HLCS: variants seen among roughly 807,000 people sequenced by gnomAD.
HLCS encodes the protein holocarboxylase synthetase, also known as biotin--protein ligase.
In HLCS, 53 loss-of-function variants were observed where a neutral mutation model predicts 75.0. The ratio of observed to expected loss-of-function variants is 0.71; its 90% CI spans 0.57 to 0.89. HLCS has a LOEUF of 0.89. Among genes scored for constraint, HLCS ranks in the 40% least tolerant of loss-of-function variants. The probability of loss-of-function intolerance (pLI) is 0.00; values close to 1 mark genes in which losing one functional copy is unlikely to be tolerated. For synonymous variants in HLCS, 431 were observed against 428.6 expected (o/e 1.01, Z -0.07); for missense variants, 966 against 1,074.0 (o/e 0.90, Z 1.41).
At chr21:36,901,476 G>A (rs2065235024) in intron 5 of HLCS, among the ~76,000 whole-genome samples, 1 of 152,184 alleles carries the variant, frequency 6.6e-6, no homozygotes, top group African/African-American at 2.4e-5. Flanking sequence ...CTACAAACCG[G>A]GTGGCTTGAG....
intron 6 of HLCS, among the ~76,000 whole-genome samples, chr21:36,852,618 T>C (rs912177940): frequency 2.0e-5 from 3 of 152,114 alleles, no homozygotes; most frequent in Non-Finnish European, 2.9e-5. Context: ...CATTCACACT[T>C]CATGGCCAGC....
chr21:36,756,235 G>T (rs570222602), intron 10 of HLCS, among the ~76,000 whole-genome samples: 1 of 150,844 alleles, frequency 6.6e-6, no homozygotes, highest in East Asian at 1.9e-4. Context: ...TCAGGAGATC[G>T]AGACCATCCT....
chr21:36,761,179 G>A (rs867991512), intron 8 of HLCS, among the ~76,000 whole-genome samples: 4 of 152,184 alleles, frequency 2.6e-5, no homozygotes, highest in Admixed American at 1.3e-4. Context: ...AGGGAGAAAC[G>A]GAAGCTTAGA....
chr21:36,900,116 A>T (rs1242356386), intron 5 of HLCS, among the ~76,000 whole-genome samples: 1 of 152,136 alleles, frequency 6.6e-6, no homozygotes, highest in African/African-American at 2.4e-5. Context: ...AAAAAAAACA[A>T]AAAACAAAAA....
chr21:36,963,779 A>G (rs2068431392), intron 1 of HLCS, among the ~76,000 whole-genome samples: 1 of 152,210 alleles, frequency 6.6e-6, no homozygotes, highest in African/African-American at 2.4e-5. Flanking sequence ...CACTTTATCC[A>G]AGCATAGAAT....
At position 36,890,949 on chromosome 21, in the gene HLCS, A is replaced by T. The variant is rs116058490; in HGVS notation, c.1892+5911T>A. ...CTGAAAAACTGAAAGTACATGCCTGAGGCAGAATTCTAATTGTCTTCCAAT... is the reference window on the plus strand; with the variant it reads ...CTGAAAAACTGAAAGTACATGCCTGTGGCAGAATTCTAATTGTCTTCCAAT... On this transcript the variant is annotated intron_variant, in intron 6 of 10. Coordinates refer to ENST00000674895, the MANE Select transcript of HLCS (RefSeq NM_001352514.2). Among the ~76,000 whole-genome samples, 1,347 of 152,320 alleles carry T rather than the reference A, an allele frequency of 8.8e-3. 21 individuals are homozygous for T. Among genetic ancestry groups the T allele is most frequent in the African/African-American group, 0.03 (1,264 of 41,572 alleles).
At chr21:36,867,656 C>T (rs528312242) in intron 6 of HLCS, among the ~76,000 whole-genome samples, 4 of 152,310 alleles carry the variant, frequency 2.6e-5, no homozygotes, top group East Asian at 1.9e-4. Context: ...ATGTTAAAGA[C>T]GGCAGAGCCC....
intron 5 of HLCS, among the ~76,000 whole-genome samples, chr21:36,924,994 A>G (rs1411754104): frequency 6.6e-6 from 1 of 152,130 alleles, no homozygotes; most frequent in East Asian, 1.9e-4. Context: ...AAGTAACATA[A>G]AGGACTTCCC....
chr21:36,818,164 G>A (rs1193983846), intron 6 of HLCS, among the ~76,000 whole-genome samples: 1 of 152,140 alleles, frequency 6.6e-6, no homozygotes, highest in African/African-American at 2.4e-5. Context: ...TGTCAATAAA[G>A]GGAAAAAAGT....
chr21:36,986,198 C>G (rs1252214818), intron 1 of HLCS, among the ~76,000 whole-genome samples: 1 of 152,162 alleles, frequency 6.6e-6, no homozygotes, highest in African/African-American at 2.4e-5. Context: ...TGCCCTTCTG[C>G]TTTCCACCAT....
chr21:36,776,575 C>T (rs1008844735), intron 6 of HLCS, among the ~76,000 whole-genome samples: 1 of 152,068 alleles, frequency 6.6e-6, no homozygotes, highest in Non-Finnish European at 1.5e-5. Context: ...CCACCATGCC[C>T]GGCTAATTTT....
intron 6 of HLCS, among the ~76,000 whole-genome samples, chr21:36,792,306 G>C (rs915684771): frequency 6.6e-6 from 1 of 152,114 alleles, no homozygotes; most frequent in African/African-American, 2.4e-5. Context: ...TGTGTGACCA[G>C]GGACGGCTGC....
At position 36,751,604 on chromosome 21, in the gene HLCS, G is replaced by C. The variant is rs998141307; in HGVS notation, c.*2642C>G. ...CTCTCACATCAGGCAACGTCAGCCT[G>C]CTGCAGTGAAACTCAACCACGATTT... On this transcript the variant is annotated 3_prime_UTR_variant, in exon 11 of 11. Coordinates refer to ENST00000674895, the MANE Select transcript of HLCS (RefSeq NM_001352514.2). 6.6e-6 allele frequency: 1 copy of C among 152,396 alleles called. No individual in the cohort carries two copies. Among genetic ancestry groups the C allele is most frequent in the African/African-American group, 2.4e-5 (1 of 41,458 alleles). 9.4% of individuals were successfully genotyped at this position (152,396 alleles called of 1,614,324 possible).
At chr21:36,900,105 G>GA (rs965314064) in intron 5 of HLCS, among the ~76,000 whole-genome samples, 9 of 149,576 alleles carry the variant, frequency 6.0e-5, no homozygotes, top group African/African-American at 1.2e-4. Flanking sequence ...ACTCAGTCTC[G>GA]AAAAAAAACA....
chr21:36,756,262 C>G (rs976589227), intron 10 of HLCS, among the ~76,000 whole-genome samples: 4 of 151,670 alleles, frequency 2.6e-5, no homozygotes, highest in Non-Finnish European at 5.9e-5. Context: ...CACGGTGAAA[C>G]CCCACCTCCA....
rs538090077 is a variant in HLCS, at chr21:36,960,178, C to T, written c.330+1858G>A. 8.5e-4 allele frequency among the ~76,000 whole-genome samples: 120 copies of T among 140,722 alleles called. 1 individual carries two copies. The highest frequency in any genetic ancestry group is 1.5e-3 in the Non-Finnish European group (100 of 65,740). The allele number at this position is 140,722 out of a possible 152,430, so 92.3% of individuals were successfully genotyped here. A position where few individuals can be genotyped will look rare whatever the true frequency, so the allele number is the denominator to read the frequency against. Reference sequence around the variant, plus strand: ...CACTTCTCACCCACACACCCCTTGCCGCTCTGCACCCAGCTTGCCCCTGGT... The same window carrying T: ...CACTTCTCACCCACACACCCCTTGCTGCTCTGCACCCAGCTTGCCCCTGGT... On this transcript the variant is annotated intron_variant, in intron 2 of 10. Transcript: ENST00000674895.
chr21:36,975,933 T>A (rs991950834), intron 1 of HLCS, among the ~76,000 whole-genome samples: 2 of 152,186 alleles, frequency 1.3e-5, no homozygotes, highest in African/African-American at 4.8e-5. Flanking sequence ...ATGGTGACCA[T>A]TATTGTCCCC....
intron 5 of HLCS, among the ~76,000 whole-genome samples, chr21:36,907,048 A>T (rs1187656110): frequency 6.6e-6 from 1 of 152,138 alleles, no homozygotes; most frequent in Non-Finnish European, 1.5e-5. Flanking sequence ...TTGATTTTTG[A>T]CAACAGTGCC....
intron 1 of HLCS, among the ~76,000 whole-genome samples, chr21:36,989,816 G>A (rs986727588): frequency 2.0e-5 from 3 of 152,286 alleles, no homozygotes; most frequent in South Asian, 4.1e-4. Flanking sequence ...GTGGGAGGGG[G>A]ACAGGGCGCG....
Sources: gnomAD v4.1 joint callset for allele counts (sites outside exome capture counted in the v4.1 genomes callset) on GRCh38, gnomAD v4.1.1 for gene constraint, MANE v1.5 for transcripts, NCBI Gene and HGNC (gene_info 2026-07-23, HGNC 2026-07-21) for gene names.